Variants in XPR1 observed in about 807,000 individuals in gnomAD.
The protein encoded by XPR1 is xenotropic and polytropic retrovirus receptor 1.
A neutral mutation model predicts 87.5 loss-of-function variants in XPR1; 28 were observed. The ratio of observed to expected loss-of-function variants is 0.32; its 90% CI spans 0.24 to 0.44. The LOEUF (loss-of-function observed/expected upper bound fraction) is 0.44, where lower values mean the gene tolerates loss of function less well. Ranked by LOEUF, XPR1 falls within the 20% of genes least tolerant of loss-of-function variation. The pLI, the probability that XPR1 is intolerant of heterozygous loss-of-function variation, is 1.00. For synonymous variants in XPR1, 300 were observed against 306.1 expected (o/e 0.98, Z 0.21); for missense variants, 559 against 862.3 (o/e 0.65, Z 4.41).
chr1:180,828,349 A>G (rs1650937310), intron 9 of XPR1, among the ~76,000 whole-genome samples: 1 of 152,220 alleles, frequency 6.6e-6, no homozygotes, highest in Non-Finnish European at 1.5e-5. Context: ...ATTGTATGTC[A>G]AATTAGTATA....
At chr1:180,654,627 G>A (rs1177301762) in intron 1 of XPR1, among the ~76,000 whole-genome samples, 2 of 151,948 alleles carry the variant, frequency 1.3e-5, no homozygotes, top group African/African-American at 4.8e-5. Context: ...TCATGATTTT[G>A]ACTGCTCTAA....
intron 2 of XPR1, among the ~76,000 whole-genome samples, chr1:180,764,787 T>A (rs1249057958): frequency 2.3e-3 from 137 of 60,286 alleles, no homozygotes; most frequent in African/African-American, 0.014. Context: ...TAATTTTTTT[T>A]CTTTTTTTTT....
chr1:180,708,909 T>TGGGGG (rs34223946), intron 2 of XPR1, among the ~76,000 whole-genome samples: 9 of 23,738 alleles, frequency 3.8e-4, no homozygotes, highest in South Asian at 1.8e-3. Flanking sequence ...TTTTTTTTTT[T>TGGGGG]GGGGGGGGGG....
intron 3 of XPR1, among the ~76,000 whole-genome samples, chr1:180,795,997 C>T (rs78841884): frequency 0.23 from 34,661 of 151,856 alleles, 4,061 homozygotes; most frequent in Middle Eastern, 0.28. Context: ...TTAGTAGAGA[C>T]GAGGTTTCAC....
chr1:180,885,226 G>A lies in XPR1; in HGVS notation c.*1160G>A, dbSNP rs1331482202. On this transcript the variant is annotated 3_prime_UTR_variant, in exon 15 of 15. Coordinates refer to ENST00000367590, the MANE Select transcript of XPR1 (RefSeq NM_004736.4). Reference sequence around the variant, plus strand: ...TTGATCAAATTAAAAGTCTGTCATGGGGAAACTATATTTTTGAGCACATGG... The same window carrying A: ...TTGATCAAATTAAAAGTCTGTCATGAGGAAACTATATTTTTGAGCACATGG... 1 of 152,526 alleles carries A rather than the reference G, an allele frequency of 6.6e-6. No homozygotes were observed. Among genetic ancestry groups the A allele is most frequent in the Non-Finnish European group, 1.5e-5 (1 of 68,030 alleles). The allele number at this position is 152,526 out of a possible 1,614,324, so 9.4% of individuals were successfully genotyped here.
At chr1:180,666,673 G>A (rs961253900) in intron 1 of XPR1, among the ~76,000 whole-genome samples, 16 of 152,226 alleles carry the variant, frequency 1.1e-4, no homozygotes, top group South Asian at 6.2e-4. Context: ...CCCACTTTGC[G>A]TCAGCTTTGT....
At chr1:180,646,449 C>G (rs774089801) in intron 1 of XPR1, among the ~76,000 whole-genome samples, 10 of 151,612 alleles carry the variant, frequency 6.6e-5, no homozygotes, top group Non-Finnish European at 8.8e-5. Context: ...TGCTTGGTCT[C>G]CAGGTGATGA....
chr1:180,698,492 T>A (rs1342292120), intron 2 of XPR1, among the ~76,000 whole-genome samples: 1 of 151,752 alleles, frequency 6.6e-6, no homozygotes, highest in Non-Finnish European at 1.5e-5. Context: ...ATTTTATACA[T>A]CCTTTGCTTT....
intron 11 of XPR1, among the ~76,000 whole-genome samples, chr1:180,839,201 C>T (rs955761499): frequency 2.0e-5 from 3 of 151,878 alleles, no homozygotes; most frequent in Non-Finnish European, 4.4e-5. Flanking sequence ...GATCTGTCAT[C>T]AATAAATATT....
rs1440128329 is a variant in XPR1, at chr1:180,803,527, A to G, written c.363A>G (p.Glu121=). 1.9e-6 allele frequency: 3 copies of G among 1,613,742 alleles called. No individual in the cohort carries two copies. The highest frequency in any genetic ancestry group is 2.5e-6 in the Non-Finnish European group (3 of 1,179,990). Reference sequence around the variant, plus strand: ...CAGTCTTCCACTTGTCCCATGAGGAACGTGTCCAACATAGAAATATTAAAG... The same window carrying G: ...CAGTCTTCCACTTGTCCCATGAGGAGCGTGTCCAACATAGAAATATTAAAG... ...RKPVFHLSHE[E]RVQHRNIKDL... Residue 121 remains glutamate, a synonymous_variant, in exon 4 of 15, where the codon GAA becomes GAG. Coordinates refer to ENST00000367590, the MANE Select transcript of XPR1 (RefSeq NM_004736.4).
At chr1:180,881,309 G>A (rs534983311) in intron 14 of XPR1, among the ~76,000 whole-genome samples, 47 of 152,140 alleles carry the variant, frequency 3.1e-4, no homozygotes, top group African/African-American at 9.6e-4. Context: ...GACTACAGGC[G>A]TCCGCTACCA....
intron 2 of XPR1, among the ~76,000 whole-genome samples, chr1:180,750,964 A>C (rs1647509837): frequency 6.6e-6 from 1 of 152,056 alleles, no homozygotes; most frequent in Non-Finnish European, 1.5e-5. Context: ...AGTTTTCCAC[A>C]TACAGATCTT....
intron 2 of XPR1, among the ~76,000 whole-genome samples, chr1:180,727,442 G>A (rs1430249148): frequency 3.3e-5 from 5 of 152,054 alleles, no homozygotes; most frequent in Admixed American, 1.3e-4. Context: ...TCAGGAGTTC[G>A]AGACCAGCCT....
At chr1:180,776,712 A>G (rs1356020086) in intron 2 of XPR1, among the ~76,000 whole-genome samples, 1 of 152,130 alleles carries the variant, frequency 6.6e-6, no homozygotes, top group Non-Finnish European at 1.5e-5. Context: ...TGTTTGAATT[A>G]TTTATTGATA....
At chr1:180,680,121 A>G (rs1263877866) in intron 1 of XPR1, among the ~76,000 whole-genome samples, 2 of 152,140 alleles carry the variant, frequency 1.3e-5, no homozygotes, top group Admixed American at 6.6e-5. Context: ...AATAAAGAAA[A>G]TGCTTAACAT....
At chr1:180,790,884 CTGTA>C (rs1274943149) in intron 3 of XPR1, among the ~76,000 whole-genome samples, 2 of 151,996 alleles carry the variant, frequency 1.3e-5, no homozygotes, top group African/African-American at 2.4e-5. Flanking sequence ...GGTAGATTTT[CTGTA>C]TGGGAAAAAT....
At chr1:180,747,643 A>G (rs1295644982) in intron 2 of XPR1, among the ~76,000 whole-genome samples, 2 of 152,246 alleles carry the variant, frequency 1.3e-5, no homozygotes, top group African/African-American at 4.8e-5. Flanking sequence ...TAAATATTAC[A>G]TGATACAGAA....
At chr1:180,649,252 C>A (rs1655215509) in intron 1 of XPR1, among the ~76,000 whole-genome samples, 1 of 150,958 alleles carries the variant, frequency 6.6e-6, no homozygotes. Context: ...ACTGAAACCC[C>A]ATCTCTACTA....
chr1:180,733,465 G>T (rs1010656927), intron 2 of XPR1, among the ~76,000 whole-genome samples: 1 of 152,114 alleles, frequency 6.6e-6, no homozygotes, highest in Non-Finnish European at 1.5e-5. Flanking sequence ...TGCTATATTT[G>T]GTAGATACAG....
Sources: allele counts gnomAD v4.1 joint callset (sites outside exome capture counted in the v4.1 genomes callset), GRCh38; gene constraint gnomAD v4.1.1; transcripts MANE v1.5; gene names NCBI Gene and HGNC (gene_info 2026-07-23, HGNC 2026-07-21).